MYO3A: variants seen among roughly 807,000 people sequenced by gnomAD.
MYO3A encodes myosin IIIA, also known as myosin-IIIa.
In MYO3A, 180 loss-of-function variants were observed where a neutral mutation model predicts 192.7. The ratio of observed to expected loss-of-function variants is 0.93; its 90% CI spans 0.83 to 1.06. MYO3A has a LOEUF of 1.06. MYO3A is among the 50% of genes least tolerant of loss of function. The probability of loss-of-function intolerance (pLI) is 0.00; values close to 1 mark genes in which losing one functional copy is unlikely to be tolerated. For missense variants in MYO3A, 1,896 were observed against 1,905.0 expected (o/e 1.00, Z 0.09); for synonymous variants, 628 against 645.3 (o/e 0.97, Z 0.41).
In MYO3A at chr10:26,146,311, A is replaced by T. The variant is rs182688152; in HGVS notation, c.2505+777A>T. 5.9e-5 allele frequency among the ~76,000 whole-genome samples: 9 copies of T among 152,380 alleles called. No individual in the cohort carries two copies. The East Asian group carries it at 1.7e-3, about 29-fold the overall frequency. ...AAAGAATGTATCAAATGAAAAATAC[A>T]TAAAAATAAAATTACACAGAACTTA... is the stretch of plus-strand genomic sequence containing the variant. On this transcript the variant is annotated intron_variant, in intron 22 of 34. Coordinates refer to ENST00000642920, the MANE Select transcript of MYO3A (RefSeq NM_017433.5).
At position 26,069,231 on chromosome 10, in the gene MYO3A, A is replaced by G. The variant is rs548178922; in HGVS notation, c.1170+347A>G. Among the ~76,000 whole-genome samples the G allele has an allele frequency of 9.2e-5, 4 of 43,506 alleles. No individual in the cohort carries two copies. The East Asian group carries it at 1.5e-3, about 16-fold the overall frequency. The allele number at this position is 43,506 out of a possible 152,430, so 28.5% of individuals were successfully genotyped here. ...ATGTATGTCTGCCGCTGAACTGAGT[A>G]TGGGAGCGTCAAAAGTATAATTACA... On this transcript the variant is annotated intron_variant, in intron 12 of 34. Transcript: ENST00000642920.
chr10:26,144,290 G>A (rs1236864105), intron 21 of MYO3A, among the ~76,000 whole-genome samples: 1 of 151,850 alleles, frequency 6.6e-6, no homozygotes, highest in Non-Finnish European at 1.5e-5. Flanking sequence ...CTGATGATAG[G>A]AGGTATTTAT....
At chr10:25,947,782 C>A (rs548381334) in intron 2 of MYO3A, among the ~76,000 whole-genome samples, 6 of 152,212 alleles carry the variant, frequency 3.9e-5, no homozygotes, top group African/African-American at 1.4e-4. Flanking sequence ...ATATTCATTT[C>A]TATTTAATAT....
chr10:26,066,958 A>G lies in MYO3A; in HGVS notation c.954-17A>G. On this transcript the variant is annotated splice_polypyrimidine_tract_variant and intron_variant, in intron 10 of 34. Transcript: ENST00000642920. Reference sequence around the variant, plus strand: ...GCAGTAATCAATTCTTAAATCAGAAAGCGTTTTTCTCCACAGACGTGAACG... The same window carrying G: ...GCAGTAATCAATTCTTAAATCAGAAGGCGTTTTTCTCCACAGACGTGAACG... 1 of 1,560,388 alleles carries G rather than the reference A, an allele frequency of 6.4e-7. No homozygotes were observed. The highest frequency in any genetic ancestry group is 8.8e-7 in the Non-Finnish European group (1 of 1,130,726).
At chr10:26,019,297 C>A (rs1729908350) in intron 7 of MYO3A, among the ~76,000 whole-genome samples, 1 of 151,862 alleles carries the variant, frequency 6.6e-6, no homozygotes, top group Admixed American at 6.6e-5. Flanking sequence ...CTCGCTCTGT[C>A]CCCCAGGCTG....
chr10:26,196,949 T>C (rs1329107602), intron 32 of MYO3A, among the ~76,000 whole-genome samples: 1 of 152,222 alleles, frequency 6.6e-6, no homozygotes, highest in East Asian at 1.9e-4. Context: ...ACATCTCAAT[T>C]CCACTGTTTT....
intron 6 of MYO3A, among the ~76,000 whole-genome samples, chr10:26,008,056 C>G (rs1260749967): frequency 6.7e-6 from 1 of 149,436 alleles, no homozygotes; most frequent in East Asian, 1.9e-4. Flanking sequence ...TGGAACAGAA[C>G]AGAGCCCTCA....
chr10:26,035,797 T>C (rs1843000243), intron 10 of MYO3A, among the ~76,000 whole-genome samples: 1 of 152,222 alleles, frequency 6.6e-6, no homozygotes, highest in Non-Finnish European at 1.5e-5. Flanking sequence ...CAGATTTTGT[T>C]TGAGCCACTT....
intron 2 of MYO3A, among the ~76,000 whole-genome samples, chr10:25,942,654 G>T (rs1386116132): frequency 6.6e-6 from 1 of 152,104 alleles, no homozygotes; most frequent in South Asian, 2.1e-4. Flanking sequence ...GCATGAAGTG[G>T]TATTGCATTG....
chr10:25,994,962 C>T (rs1314689937), intron 4 of MYO3A, among the ~76,000 whole-genome samples: 3 of 152,104 alleles, frequency 2.0e-5, no homozygotes, highest in East Asian at 1.9e-4. Context: ...TCATTTCAAC[C>T]TTGGTGAATC....
In MYO3A at chr10:26,149,611, C is replaced by CT. The variant is rs35229987; in HGVS notation, c.2635+2061dup. Among the ~76,000 whole-genome samples, 326 of 151,352 alleles carry CT rather than the reference C, an allele frequency of 2.2e-3. 1 individual carries two copies. The highest frequency in any genetic ancestry group is 6.8e-3 in the African/African-American group (279 of 41,256). On this transcript the variant is annotated intron_variant, in intron 23 of 34. Coordinates refer to ENST00000642920, the MANE Select transcript of MYO3A (RefSeq NM_017433.5). ...TTCCACATCTACTGAATAGATTACC[C>CT]TTTTTTTTTGTTATTTTTTTAAATT...
chr10:25,935,070 C>A (rs918026438), intron 1 of MYO3A, among the ~76,000 whole-genome samples: 1 of 152,072 alleles, frequency 6.6e-6, no homozygotes, highest in African/African-American at 2.4e-5. Context: ...TGGGTCGGCC[C>A]GTCCCTGAGG....
intron 4 of MYO3A, among the ~76,000 whole-genome samples, chr10:25,995,298 A>G (rs1208956143): frequency 6.6e-6 from 1 of 152,208 alleles, no homozygotes; most frequent in Non-Finnish European, 1.5e-5. Context: ...TGATCGAATC[A>G]GTTGCTGAAG....
chr10:26,097,173 G>A (rs1446339273), intron 17 of MYO3A, among the ~76,000 whole-genome samples: 1 of 151,842 alleles, frequency 6.6e-6, no homozygotes, highest in Admixed American at 6.6e-5. Context: ...AAAGAAATAT[G>A]GTAGCAATTA....
Position 26,165,184 on chromosome 10 carries a change from G to A in MYO3A, c.3000-883G>A, listed in dbSNP as rs541628157. 3.3e-5 allele frequency among the ~76,000 whole-genome samples: 5 copies of A among 152,218 alleles called. No homozygotes were observed. The East Asian group carries it at 9.7e-4, about 29-fold the overall frequency. ...TGATACTTAATTGTGACATGTCCAA[G>A]TATATACAGTTAATGAGTCAAGGGT... On this transcript the variant is annotated intron_variant, in intron 26 of 34. Coordinates refer to ENST00000642920, the MANE Select transcript of MYO3A (RefSeq NM_017433.5).
Position 26,125,389 on chromosome 10 carries a change from G to C in MYO3A, c.1904-9G>C, listed in dbSNP as rs1839156737. The C allele has an allele frequency of 6.2e-7, 1 of 1,613,544 alleles. No individual in the cohort carries two copies. The highest frequency in any genetic ancestry group is 8.5e-7 in the Non-Finnish European group (1 of 1,179,724). ...ATTTCTTCTAACAATGCATCTGTTT[G>C]TTTTTCAGGTGCTTCTTTGCTTTGC... On this transcript the variant is annotated splice_polypyrimidine_tract_variant and intron_variant, in intron 18 of 34. Coordinates refer to ENST00000642920, the MANE Select transcript of MYO3A (RefSeq NM_017433.5).
intron 15 of MYO3A, among the ~76,000 whole-genome samples, chr10:26,092,337 G>A (rs1002744103): frequency 2.0e-5 from 3 of 152,024 alleles, no homozygotes; most frequent in Admixed American, 6.5e-5. Context: ...GTGGTGGCAG[G>A]CGCCTGTAGT....
chr10:26,079,636 A>G (rs1341409542), intron 14 of MYO3A, among the ~76,000 whole-genome samples: 1 of 151,974 alleles, frequency 6.6e-6, no homozygotes, highest in South Asian at 2.1e-4. Context: ...TGCTTTAAAG[A>G]TGTTCTGTTT....
rs368500705 is a variant in MYO3A at position 26,116,096 on chromosome 10, A to T, written c.1777-4580A>T. Among the ~76,000 whole-genome samples the T allele has an allele frequency of 2.0e-5, 3 of 152,126 alleles. No individual in the cohort carries two copies. In the South Asian group the frequency reaches 6.2e-4, roughly 32 times the overall value. On this transcript the variant is annotated intron_variant, in intron 17 of 34. Coordinates refer to ENST00000642920, the MANE Select transcript of MYO3A (RefSeq NM_017433.5). Reference sequence around the variant, plus strand: ...ACATATCTTATTCATAAATTTAACAAAAAAAAAGCATTAGTTTGCTAGGGC... The same window carrying T: ...ACATATCTTATTCATAAATTTAACATAAAAAAAGCATTAGTTTGCTAGGGC...
Sources: gnomAD v4.1 joint callset for allele counts (sites outside exome capture counted in the v4.1 genomes callset) on GRCh38, gnomAD v4.1.1 for gene constraint, MANE v1.5 for transcripts, NCBI Gene and HGNC (gene_info 2026-07-23, HGNC 2026-07-21) for gene names.